Variants in SLC4A10 observed in about 807,000 individuals in gnomAD.
The protein encoded by SLC4A10 is solute carrier family 4 member 10.
In SLC4A10, 42 loss-of-function variants were observed where a neutral mutation model predicts 137.7. That is an observed-to-expected ratio of 0.30 (90% confidence interval 0.24 to 0.39). SLC4A10 has a LOEUF of 0.39. SLC4A10 is among the 10% of genes least tolerant of loss of function. The pLI, the probability that SLC4A10 is intolerant of heterozygous loss-of-function variation, is 1.00. For missense variants in SLC4A10, 925 were observed against 1,355.0 expected, an observed-to-expected ratio of 0.68 and a Z score of 4.98; for synonymous variants, 474 against 464.1, an observed-to-expected ratio of 1.02 and a Z score of -0.27.
At chr2:161,690,655 G>T (rs1326379565) in intron 1 of SLC4A10, among the ~76,000 whole-genome samples, 1 of 151,872 alleles carries the variant, frequency 6.6e-6, no homozygotes, top group Non-Finnish European at 1.5e-5. Context: ...AACATGGATG[G>T]AGCAGAAAGC....
At chr2:161,876,418 C>T (rs1315253655) in intron 8 of SLC4A10, among the ~76,000 whole-genome samples, 1 of 152,040 alleles carries the variant, frequency 6.6e-6, no homozygotes, top group Non-Finnish European at 1.5e-5. Flanking sequence ...GTGGCTGACA[C>T]CTGTAATCCC....
Position 161,983,207 on chromosome 2 carries a change from G to C in SLC4A10, c.*55G>C. 6.5e-7 allele frequency: 1 copy of C among 1,536,674 alleles called. No homozygotes were observed. The highest frequency in any genetic ancestry group is 8.7e-7 in the Non-Finnish European group (1 of 1,147,006). On this transcript the variant is annotated 3_prime_UTR_variant, in exon 27 of 27. Coordinates refer to ENST00000446997, the MANE Select transcript of SLC4A10 (RefSeq NM_001178015.2). ...TGAAAGCCGAAAAGAGAAGAAAGCT[G>C]ACTCAGGGAAAGGTGTTGACAGGGA...
At chr2:161,790,100 A>G (rs1342025224) in intron 2 of SLC4A10, among the ~76,000 whole-genome samples, 1 of 152,226 alleles carries the variant, frequency 6.6e-6, no homozygotes, top group Non-Finnish European at 1.5e-5. Context: ...GTACATATTT[A>G]TTGACTTTTT....
At chr2:161,724,067 A>G (rs1003577798) in intron 1 of SLC4A10, among the ~76,000 whole-genome samples, 1 of 152,156 alleles carries the variant, frequency 6.6e-6, no homozygotes, top group African/African-American at 2.4e-5. Context: ...CTCAAAACCA[A>G]TTAATCAGCA....
chr2:161,946,887 C>T (rs1241347007), intron 16 of SLC4A10, among the ~76,000 whole-genome samples: 3 of 152,064 alleles, frequency 2.0e-5, no homozygotes, highest in African/African-American at 7.2e-5. Context: ...TCGATAGTCC[C>T]ATCTTTGACT....
chr2:161,860,282 C>A (rs1247248014), intron 5 of SLC4A10, among the ~76,000 whole-genome samples: 2 of 152,036 alleles, frequency 1.3e-5, no homozygotes, highest in Admixed American at 6.5e-5. Flanking sequence ...AAATAAAAAT[C>A]TTATCTTTGA....
chr2:161,650,451 C>T (rs1167918891), intron 1 of SLC4A10, among the ~76,000 whole-genome samples: 1 of 152,190 alleles, frequency 6.6e-6, no homozygotes, highest in Non-Finnish European at 1.5e-5. Flanking sequence ...ATGGAGCCAG[C>T]GGGGGCTGGG....
chr2:161,827,929 C>T (rs2058132284), intron 3 of SLC4A10, among the ~76,000 whole-genome samples: 1 of 152,178 alleles, frequency 6.6e-6, no homozygotes, highest in South Asian at 2.1e-4. Context: ...TCTTTTGGGG[C>T]TTGGTCCAAT....
At chr2:161,976,569 T>C (rs917599089) in intron 24 of SLC4A10, among the ~76,000 whole-genome samples, 191 bp from the exon 25 acceptor site, 1 of 152,238 alleles carries the variant, frequency 6.6e-6, no homozygotes, top group South Asian at 2.1e-4. Flanking sequence ...ATGTATTTAG[T>C]AACCCTGAAC....
chr2:161,819,780 C>T (rs2057459294), intron 3 of SLC4A10, among the ~76,000 whole-genome samples: 1 of 152,188 alleles, frequency 6.6e-6, no homozygotes, highest in Non-Finnish European at 1.5e-5. Flanking sequence ...AGGAATGAGC[C>T]ACCGCATCCA....
intron 2 of SLC4A10, among the ~76,000 whole-genome samples, chr2:161,771,417 G>A (rs1177943885): frequency 6.6e-6 from 1 of 151,762 alleles, no homozygotes; most frequent in Non-Finnish European, 1.5e-5. Context: ...AGGAGGGGGA[G>A]GGGCATCTAA....
chr2:161,751,808 C>T (rs1007293968), intron 1 of SLC4A10, among the ~76,000 whole-genome samples: 1 of 151,838 alleles, frequency 6.6e-6, no homozygotes, highest in Non-Finnish European at 1.5e-5. Context: ...ACTTTAGTGT[C>T]ATAGATTGGG....
chr2:161,874,014 A>G lies in SLC4A10; in HGVS notation c.948+9A>G. 1 of 1,581,028 alleles carries G rather than the reference A, an allele frequency of 6.3e-7. No homozygotes were observed. ...ACCAGCAAGAGAGAGAGGTGAGGGC[A>G]TACTCGGGCTCTATTTCTACAGTGG... On this transcript the variant is annotated intron_variant, in intron 8 of 26. Transcript: ENST00000446997.
rs559620199 is a variant in SLC4A10 at position 161,928,913 on chromosome 2, G to A, written c.1998-13879G>A. Among the ~76,000 whole-genome samples, 67 of 152,200 alleles carry A rather than the reference G, an allele frequency of 4.4e-4. 1 individual carries two copies. The highest frequency in any genetic ancestry group is 1.6e-3 in the African/African-American group (65 of 41,540). ...ATACACATATACATTTGTACATGGA[G>A]GTATTCACATATCTACGATAGTGCT... On this transcript the variant is annotated intron_variant, in intron 15 of 26. Coordinates refer to ENST00000446997, the MANE Select transcript of SLC4A10 (RefSeq NM_001178015.2).
chr2:161,636,574 A>G (rs1246597587), intron 1 of SLC4A10, among the ~76,000 whole-genome samples: 1 of 151,756 alleles, frequency 6.6e-6, no homozygotes, highest in Non-Finnish European at 1.5e-5. Context: ...TTTTTTTTGT[A>G]TTTTGAGTAG....
intron 1 of SLC4A10, among the ~76,000 whole-genome samples, chr2:161,709,123 A>AC (rs1559079302): frequency 6.6e-6 from 1 of 151,390 alleles, no homozygotes; most frequent in African/African-American, 2.4e-5. Flanking sequence ...GGTTTGGGGC[A>AC]CTTCAGATTT....
At chr2:161,624,943 G>A (rs72873624) in intron 1 of SLC4A10, among the ~76,000 whole-genome samples, 11,481 of 152,062 alleles carry the variant, frequency 0.076, 556 homozygotes, top group East Asian at 0.14. Context: ...CTTTTATCAT[G>A]TTTAATCCCT....
intron 1 of SLC4A10, among the ~76,000 whole-genome samples, chr2:161,660,556 ATTTC>A (rs574482342): frequency 0.16 from 17,497 of 109,882 alleles, 1,248 homozygotes; most frequent in East Asian, 0.21. Flanking sequence ...ACTCATCTAT[ATTTC>A]TTTCTTTCTT....
At chr2:161,738,120 A>T (rs1291167721) in intron 1 of SLC4A10, among the ~76,000 whole-genome samples, 1 of 152,160 alleles carries the variant, frequency 6.6e-6, no homozygotes. Flanking sequence ...CCAAAACACA[A>T]ATCTGTGGTG....
Sources: gnomAD v4.1 joint callset for allele counts (sites outside exome capture counted in the v4.1 genomes callset) on GRCh38, gnomAD v4.1.1 for gene constraint, MANE v1.5 for transcripts, NCBI Gene and HGNC (gene_info 2026-07-23, HGNC 2026-07-21) for gene names.